The following SIGLEC14 variants were observed in gnomAD, a reference collection of about 807,000 sequenced individuals.
The protein encoded by SIGLEC14 is sialic acid-binding Ig-like lectin 14.
A neutral mutation model predicts 34.2 loss-of-function variants in SIGLEC14; 11 were observed. The observed-to-expected ratio is 0.32, with a 90% CI of 0.20 to 0.53. The LOEUF (loss-of-function observed/expected upper bound fraction) is 0.53, where lower values mean the gene tolerates loss of function less well. Ranked by LOEUF, SIGLEC14 falls within the 20% of genes least tolerant of loss-of-function variation. The pLI is 0.95. For synonymous variants in SIGLEC14, 99 were observed against 179.7 expected, an observed-to-expected ratio of 0.55 and a Z score of 3.59; for missense variants, 264 against 439.0, an observed-to-expected ratio of 0.60 and a Z score of 3.56.
rs1238947882 is a variant in SIGLEC14 at position 51,641,469 on chromosome 19, C to A, written c.*1886G>T. The stretch of plus-strand genomic sequence containing the variant: ...TATACCCAAAGGAATATAAATCATT[C>A]TATTACAAAGACACATGCATGCATA... On this transcript the variant is annotated 3_prime_UTR_variant, in exon 7 of 7. Coordinates refer to ENST00000360844, the MANE Select transcript of SIGLEC14 (RefSeq NM_001098612.3). Among the ~76,000 whole-genome samples the A allele has an allele frequency of 1.4e-5, 2 of 139,388 alleles. No individual in the cohort carries two copies. Among genetic ancestry groups the A allele is most frequent in the Admixed American group, 1.4e-4 (2 of 14,412 alleles). 91.4% of individuals were successfully genotyped at this position (139,388 alleles called of 152,430 possible). A position where few individuals can be genotyped will look rare whatever the true frequency, so the allele number is the denominator to read the frequency against.
In SIGLEC14 at chr19:51,646,391, A is replaced by G; in HGVS notation, c.287T>C (p.Val96Ala). Reference protein sequence around the residue: ...TQGRFRLLGDVQKKNCSLSIG... With the variant: ...TQGRFRLLGDAQKKNCSLSIG... ...GCTCAGGGAGCAGTTCTTCTTCTGG[A>G]CATCCCCAAGGAGGCGGAATCGGCC... Residue 96 changes from valine (V) to alanine (A), a missense_variant, in exon 2 of 7, where the codon GTC becomes GCC. Coordinates refer to ENST00000360844, the MANE Select transcript of SIGLEC14 (RefSeq NM_001098612.3). 1.7e-6 allele frequency: 2 copies of G among 1,155,314 alleles called. No homozygotes were observed. The highest frequency in any genetic ancestry group is 4.5e-4 in the Middle Eastern group (2 of 4,420). 71.6% of individuals were successfully genotyped at this position (1,155,314 alleles called of 1,614,324 possible).
Position 51,639,887 on chromosome 19 carries a change from C to T in SIGLEC14, c.*3468G>A, listed in dbSNP as rs1400368854. The T allele has an allele frequency of 7.2e-6, 1 of 139,010 alleles. No homozygotes were observed. Among genetic ancestry groups the T allele is most frequent in the Non-Finnish European group, 1.5e-5 (1 of 64,978 alleles). 8.6% of individuals were successfully genotyped at this position (139,010 alleles called of 1,614,324 possible). On this transcript the variant is annotated 3_prime_UTR_variant, in exon 7 of 7. Transcript: ENST00000360844. ...GCACTTAGGGAAATTAAAAGAAAAA[C>T]ACCTGAAGTTTATAAAAGTTAAATT...
chr19:51,644,049 A>G lies in SIGLEC14; in HGVS notation c.755-13T>C. 1 of 1,491,366 alleles carries G rather than the reference A, an allele frequency of 6.7e-7. No individual in the cohort carries two copies. The highest frequency in any genetic ancestry group is 8.9e-7 in the Non-Finnish European group (1 of 1,118,938). 92.4% of individuals were successfully genotyped at this position (1,491,366 alleles called of 1,614,324 possible). A position where few individuals can be genotyped will look rare whatever the true frequency, so the allele number is the denominator to read the frequency against. ...AGGATCCGCAGGGCTGGGAAAGAGA[A>G]GCACAGCCAGGTGAGTGGAGCTGGG... On this transcript the variant is annotated splice_polypyrimidine_tract_variant and intron_variant, in intron 4 of 6. Transcript: ENST00000360844.
rs769459924 is a variant in SIGLEC14, at chr19:51,644,009, G to A, written c.782C>T (p.Ser261Leu). The A allele has an allele frequency of 1.5e-5, 23 of 1,523,694 alleles. 4 individuals carry two copies. The highest frequency in any genetic ancestry group is 3.0e-5 in the African/African-American group (2 of 67,456). The allele number at this position is 1,523,694 out of a possible 1,614,324, so 94.4% of individuals were successfully genotyped here. Reference protein sequence around the residue: ...TALRILSNGMSVPIQEGQSLF... With the variant: ...TALRILSNGMLVPIQEGQSLF... ...GGACTGGCCCTCCTGGATGGGCACCGACATGCCATTGCTCAGGATCCGCAG... is the reference window on the plus strand; with the variant it reads ...GGACTGGCCCTCCTGGATGGGCACCAACATGCCATTGCTCAGGATCCGCAG... Residue 261 changes from serine (S) to leucine (L), a missense_variant, in exon 5 of 7, where the codon TCG becomes TTG. Ser to Leu is a moderately radical substitution (Grantham distance 145). This residue lies in a region of SIGLEC14 where 149 missense variants were observed against 184.4 expected (regional missense o/e 0.81). Coordinates refer to ENST00000360844, the MANE Select transcript of SIGLEC14 (RefSeq NM_001098612.3).
At position 51,645,481 on chromosome 19, in the gene SIGLEC14, G is replaced by A. The variant is rs1984012209; in HGVS notation, c.750C>T (p.Gly250=). The change falls in exon 4 of 7, where the codon GGC becomes GGT. Residue 250 remains glycine, a synonymous_variant. Transcript: ENST00000360844. ...AGGGAAGAGGGTCTTTCCTACCTGT[G>A]CCTGTGCCATTTCTGAAGAAGATGC... is the stretch of plus-strand genomic sequence containing the variant. ...AISIFFRNGT[G]TALRILSNGM... 1 of 1,530,552 alleles carries A rather than the reference G, an allele frequency of 6.5e-7. No individual in the cohort carries two copies. Among genetic ancestry groups the A allele is most frequent in the Admixed American group, 1.7e-5 (1 of 57,896 alleles). The allele number at this position is 1,530,552 out of a possible 1,614,324, so 94.8% of individuals were successfully genotyped here.
At position 51,642,693 on chromosome 19, in the gene SIGLEC14, G is replaced by A. The variant is rs1288305124; in HGVS notation, c.*662C>T. The A allele has an allele frequency of 1.4e-5, 2 of 138,566 alleles. 1 individual carries two copies. The highest frequency in any genetic ancestry group is 3.1e-5 in the Non-Finnish European group (2 of 65,182). 8.6% of individuals were successfully genotyped at this position (138,566 alleles called of 1,614,324 possible). A position where few individuals can be genotyped will look rare whatever the true frequency, so the allele number is the denominator to read the frequency against. On this transcript the variant is annotated 3_prime_UTR_variant, in exon 7 of 7. Coordinates refer to ENST00000360844, the MANE Select transcript of SIGLEC14 (RefSeq NM_001098612.3). Reference sequence around the variant, plus strand: ...GCCTCTCTGTGCCTATATGGATAGGGAAGCTGAGGAGACCAGAAATTCAAG... The same window carrying A: ...GCCTCTCTGTGCCTATATGGATAGGAAAGCTGAGGAGACCAGAAATTCAAG...
Position 51,642,861 on chromosome 19 carries a change from A to C in SIGLEC14, c.*494T>G, listed in dbSNP as rs1445421875. The C allele has an allele frequency of 2.0e-4, 31 of 151,852 alleles. 6 individuals carry two copies. The highest frequency in any genetic ancestry group is 1.7e-4 in the Non-Finnish European group (13 of 74,668). The allele number at this position is 151,852 out of a possible 1,614,324, so 9.4% of individuals were successfully genotyped here. Reference sequence around the variant, plus strand: ...GGTAAAACCCCATCTCTACTAACATACAAAAAAAAAAAATTAACTGGATGT... The same window carrying C: ...GGTAAAACCCCATCTCTACTAACATCCAAAAAAAAAAAATTAACTGGATGT... On this transcript the variant is annotated 3_prime_UTR_variant, in exon 7 of 7. Coordinates refer to ENST00000360844, the MANE Select transcript of SIGLEC14 (RefSeq NM_001098612.3).
At chr19:51,644,759 G>A (rs1376168794) in intron 4 of SIGLEC14, among the ~76,000 whole-genome samples, 1 of 138,396 alleles carries the variant, frequency 7.2e-6, no homozygotes, top group Non-Finnish European at 1.5e-5. Flanking sequence ...AGGAGGAGCC[G>A]AGAAGCATCC....
At chr19:51,643,461 T>C in intron 6 of SIGLEC14, 64 bp from the exon 7 acceptor site, 1 of 1,239,290 alleles carries the variant, frequency 8.1e-7, no homozygotes, top group African/African-American at 1.9e-5. Flanking sequence ...CAGGTGGGGC[T>C]GAGCTGTCCT....
intron 6 of SIGLEC14, 68 bp from the exon 7 acceptor site, chr19:51,643,465 C>T: frequency 8.1e-7 from 1 of 1,234,228 alleles, no homozygotes. Context: ...TGGGGCTGAG[C>T]TGTCCTGGGG....
At position 51,643,860 on chromosome 19, in the gene SIGLEC14, C is replaced by T; in HGVS notation, c.931G>A (p.Ala311Thr). ...SGTLELPNIG[A>T]REGGEFTCRV... ...CAGGTGAATTCCCCTCCCTCTCTAGCTCCTATGTTAGGCAGCTCCAGGGTC... is the reference window on the plus strand; with the variant it reads ...CAGGTGAATTCCCCTCCCTCTCTAGTTCCTATGTTAGGCAGCTCCAGGGTC... Residue 311 changes from alanine (A) to threonine (T), a missense_variant, in exon 5 of 7, where the codon GCT becomes ACT. Ala to Thr is a moderately conservative substitution (Grantham distance 58). Transcript: ENST00000360844. 1.3e-6 allele frequency: 2 copies of T among 1,533,340 alleles called. 1 individual carries two copies. Among genetic ancestry groups the T allele is most frequent in the Non-Finnish European group, 1.8e-6 (2 of 1,141,134 alleles). The allele number at this position is 1,533,340 out of a possible 1,614,324, so 95.0% of individuals were successfully genotyped here. A position where few individuals can be genotyped will look rare whatever the true frequency, so the allele number is the denominator to read the frequency against.
At position 51,641,204 on chromosome 19, in the gene SIGLEC14, A is replaced by G. The variant is rs763565655; in HGVS notation, c.*2151T>C. Among the ~76,000 whole-genome samples the G allele has an allele frequency of 1.4e-5, 2 of 138,868 alleles. 1 individual carries two copies. Among genetic ancestry groups the G allele is most frequent in the South Asian group, 4.9e-4 (2 of 4,092 alleles). The allele number at this position is 138,868 out of a possible 152,430, so 91.1% of individuals were successfully genotyped here. ...CTATAAAACTGAACACCATTGGACAACTATGTCTAATTGCCATTTAATATT... is the reference window on the plus strand; with the variant it reads ...CTATAAAACTGAACACCATTGGACAGCTATGTCTAATTGCCATTTAATATT... On this transcript the variant is annotated 3_prime_UTR_variant, in exon 7 of 7. Coordinates refer to ENST00000360844, the MANE Select transcript of SIGLEC14 (RefSeq NM_001098612.3).
intron 6 of SIGLEC14, 50 bp downstream of exon 6, chr19:51,643,487 A>ACCCCCCCC: frequency 8.5e-6 from 11 of 1,299,132 alleles, no homozygotes; most frequent in Admixed American, 2.3e-5. Context: ...AGGACAGCTC[A>ACCCCCCCC]GCCCCACCTG....
chr19:51,646,211 G>A lies in SIGLEC14; in HGVS notation c.421+46C>T, dbSNP rs377208909. 4,940 of 1,421,060 alleles carry A rather than the reference G, an allele frequency of 3.5e-3. 1,734 individuals are homozygous for A. The East Asian group carries it at 0.13, about 37-fold the overall frequency. The allele number at this position is 1,421,060 out of a possible 1,614,324, so 88.0% of individuals were successfully genotyped here. On this transcript the variant is annotated intron_variant, in intron 2 of 6. Transcript: ENST00000360844. ...CCAACTCCTGTCCCTGTTCTCATAC[G>A]GGGGTCTCCACGTCCCAGGGTCCTC...
Position 51,643,677 on chromosome 19 carries a change from G to T in SIGLEC14, c.1013-5C>A, listed in dbSNP as rs769896584. ...ATATGCAGGAAGAGGAGCTTCCTGG[G>T]AGAAAGGAGAAGGTAAGGTGCTGTT... On this transcript the variant is annotated splice_polypyrimidine_tract_variant and splice_region_variant and intron_variant, in intron 5 of 6. Coordinates refer to ENST00000360844, the MANE Select transcript of SIGLEC14 (RefSeq NM_001098612.3). 1 of 1,531,522 alleles carries T rather than the reference G, an allele frequency of 6.5e-7. No individual in the cohort carries two copies. The highest frequency in any genetic ancestry group is 8.8e-7 in the Non-Finnish European group (1 of 1,140,872). 94.9% of individuals were successfully genotyped at this position (1,531,522 alleles called of 1,614,324 possible).
rs921310165 is a variant in SIGLEC14, at chr19:51,640,290, T to C, written c.*3065A>G. 1.5e-4 allele frequency among the ~76,000 whole-genome samples: 21 copies of C among 138,790 alleles called. 4 individuals carry two copies. The highest frequency in any genetic ancestry group is 2.9e-4 in the Non-Finnish European group (19 of 64,910). 91.1% of individuals were successfully genotyped at this position (138,790 alleles called of 152,430 possible). ...AGATTCTGGAACGGGAGTCAATATT[T>C]GGGGAAAGGCACCAACAAGGAATAA... On this transcript the variant is annotated 3_prime_UTR_variant, in exon 7 of 7. Transcript: ENST00000360844.
In SIGLEC14 at chr19:51,645,630, G is replaced by A. The variant is rs898025734; in HGVS notation, c.701-100C>T. On this transcript the variant is annotated intron_variant, in intron 3 of 6. Transcript: ENST00000360844. The stretch of plus-strand genomic sequence containing the variant: ...AGGGGCCACAGAAACCCACCAGGTG[G>A]GGACCGCTGTCCTTCCTGCCCACAC... 3.4e-6 allele frequency: 5 copies of A among 1,450,428 alleles called. 1 individual carries two copies. The South Asian group carries it at 3.8e-5, about 11-fold the overall frequency. The allele number at this position is 1,450,428 out of a possible 1,614,324, so 89.8% of individuals were successfully genotyped here.
At position 51,643,319 on chromosome 19, in the gene SIGLEC14, T is replaced by C. The variant is rs113866743; in HGVS notation, c.*36A>G. 528 of 1,506,664 alleles carry C rather than the reference T, an allele frequency of 3.5e-4. 105 individuals are homozygous for C. The African/African-American group carries it at 7.3e-3, about 21-fold the overall frequency. 93.3% of individuals were successfully genotyped at this position (1,506,664 alleles called of 1,614,324 possible). On this transcript the variant is annotated 3_prime_UTR_variant, in exon 7 of 7. Transcript: ENST00000360844. Reference sequence around the variant, plus strand: ...CCTGCATGTGTCCCACAGGGCTAAGTGTCCACACCTCAGTTCTGTCTTGAG... The same window carrying C: ...CCTGCATGTGTCCCACAGGGCTAAGCGTCCACACCTCAGTTCTGTCTTGAG...
At position 51,643,927 on chromosome 19, in the gene SIGLEC14, C is replaced by A; in HGVS notation, c.864G>T (p.Arg288=). 1.3e-6 allele frequency: 2 copies of A among 1,534,114 alleles called. 1 individual carries two copies. The highest frequency in any genetic ancestry group is 1.8e-6 in the Non-Finnish European group (2 of 1,141,744). The part of the protein sequence containing the change: ...SNPPASLSWF[R]EGKALNPSQT... ...GGGAAGGATTGAGGGCTTTTCCCTC[C>A]CGGAACCAGCTCAGTGAGGCAGGGG... Residue 288 remains arginine (R), a synonymous_variant, in exon 5 of 7, where the codon CGG becomes CGT. Transcript: ENST00000360844.
Sources: gnomAD v4.1 joint callset for allele counts (sites outside exome capture counted in the v4.1 genomes callset) on GRCh38, gnomAD v4.1.1 for gene constraint, gnomAD v4.1.1 regional missense constraint, MANE v1.5 for transcripts, NCBI Gene and HGNC (gene_info 2026-07-23, HGNC 2026-07-21) for gene names.